The following DCHS2 variants were observed in gnomAD, a reference collection of about 807,000 sequenced individuals.
DCHS2 encodes the protein dachsous cadherin-related 2, also known as protocadherin-23.
In DCHS2, 142 loss-of-function variants were observed where a neutral mutation model predicts 182.4. The ratio of observed to expected loss-of-function variants is 0.78; its 90% CI spans 0.68 to 0.89. The LOEUF is 0.89. DCHS2 is among the 40% of genes least tolerant of loss of function. The probability of loss-of-function intolerance (pLI) is 0.00; values close to 1 mark genes in which losing one functional copy is unlikely to be tolerated. For missense variants in DCHS2, 4,319 were observed against 4,198.6 expected (o/e 1.03, Z -0.79); for synonymous variants, 1,740 against 1,663.3 (o/e 1.05, Z -1.12).
chr4:154,284,905 G>A (rs2111244593), intron 13 of DCHS2, among the ~76,000 whole-genome samples: 1 of 152,190 alleles, frequency 6.6e-6, no homozygotes, highest in South Asian at 2.1e-4. Context: ...GGTGGCCAAG[G>A]GAGTACTTTC....
At chr4:154,386,211 C>G (rs572384820) in intron 1 of DCHS2, among the ~76,000 whole-genome samples, 2 of 152,296 alleles carry the variant, frequency 1.3e-5, no homozygotes, top group Admixed American at 1.3e-4. Context: ...CCAACATAAT[C>G]CAAGTCTTTA....
At chr4:154,465,780 T>C (rs1204218764) in intron 1 of DCHS2, among the ~76,000 whole-genome samples, 1 of 152,138 alleles carries the variant, frequency 6.6e-6, no homozygotes, top group East Asian at 1.9e-4. Context: ...ATTGATGTCG[T>C]TGGGGGCTAT....
intron 12 of DCHS2, 172 bp from the exon 13 acceptor site, chr4:154,298,880 C>A (rs1253974564): frequency 2.1e-6 from 2 of 958,120 alleles, no homozygotes; most frequent in Non-Finnish European, 2.8e-6. Flanking sequence ...ATGATAAAGG[C>A]TCTGCCCTCA....
intron 1 of DCHS2, among the ~76,000 whole-genome samples, chr4:154,469,940 C>T (rs1406550479): frequency 1.3e-5 from 2 of 152,156 alleles, no homozygotes; most frequent in East Asian, 3.9e-4. Flanking sequence ...TTACAGTCTT[C>T]TATTTCATTA....
chr4:154,448,165 G>A (rs1476801487), intron 1 of DCHS2, among the ~76,000 whole-genome samples: 1 of 151,996 alleles, frequency 6.6e-6, no homozygotes, highest in African/African-American at 2.4e-5. Context: ...CACATCTCAG[G>A]TGCTCCTTTG....
Position 154,240,641 on chromosome 4 carries a change from G to GCAGCTCATATT in DCHS2, c.7244_7254dup (p.Leu2419AsnfsTer20). ...TGCACTGAATCAGAAATTTGGATGA[G>GCAGCTCATATT]CAGCTCATATTCAGTCATTTCTTCA... is the stretch of plus-strand genomic sequence containing the variant. On this transcript the variant is annotated frameshift_variant, in exon 18 of 20. Transcript: ENST00000357232. LOFTEE classifies it high-confidence loss of function. The GCAGCTCATATT allele has an allele frequency of 6.2e-7, 1 of 1,613,940 alleles. No individual in the cohort carries two copies. Among genetic ancestry groups the GCAGCTCATATT allele is most frequent in the Non-Finnish European group, 8.5e-7 (1 of 1,179,912 alleles).
At chr4:154,433,456 G>C (rs985254825) in intron 1 of DCHS2, among the ~76,000 whole-genome samples, 1 of 138,226 alleles carries the variant, frequency 7.2e-6, no homozygotes. Flanking sequence ...GTGCAGTGGC[G>C]TGATCTCCGC....
At chr4:154,295,300 C>T (rs1451880683) in intron 13 of DCHS2, among the ~76,000 whole-genome samples, 1 of 152,182 alleles carries the variant, frequency 6.6e-6, no homozygotes, top group African/African-American at 2.4e-5. Flanking sequence ...TGATTAAATT[C>T]CATACCATTT....
chr4:154,441,221 T>C (rs1164934514), intron 1 of DCHS2, among the ~76,000 whole-genome samples: 1 of 152,338 alleles, frequency 6.6e-6, no homozygotes, highest in East Asian at 1.9e-4. Context: ...ATTTTAAAAC[T>C]GTAGCCAAAA....
chr4:154,327,462 G>A (rs1239517732), intron 7 of DCHS2, among the ~76,000 whole-genome samples: 1 of 152,138 alleles, frequency 6.6e-6, no homozygotes, highest in Non-Finnish European at 1.5e-5. Flanking sequence ...CTATCTGTGG[G>A]AAAGGGCAAT....
In DCHS2 at chr4:154,435,445, A is replaced by C. The variant is rs547169837; in HGVS notation, c.2052+53859T>G. Among the ~76,000 whole-genome samples, 134 of 152,136 alleles carry C rather than the reference A, an allele frequency of 8.8e-4. 1 individual carries two copies. The highest frequency in any genetic ancestry group is 3.1e-3 in the African/African-American group (127 of 41,502). On this transcript the variant is annotated intron_variant, in intron 1 of 19. Transcript: ENST00000357232. ...CCCCAACTCTACTAAAATGCAAAAA[A>C]ATTAGCTGGGTATGGTGGTGGGTGC...
intron 2 of DCHS2, among the ~76,000 whole-genome samples, chr4:154,367,024 C>A (rs1423409092): frequency 6.6e-6 from 1 of 152,020 alleles, no homozygotes; most frequent in Non-Finnish European, 1.5e-5. Flanking sequence ...ACTTCAGTTA[C>A]CAGAAAGGAA....
At chr4:154,459,734 TTCTCTC>T (rs60259256) in intron 1 of DCHS2, among the ~76,000 whole-genome samples, 4,701 of 135,166 alleles carry the variant, frequency 0.035, 113 homozygotes, top group African/African-American at 0.064. Flanking sequence ...TATCTACACA[TTCTCTC>T]TCTCTCTCTC....
At chr4:154,380,010 T>C (rs1304517169) in intron 1 of DCHS2, among the ~76,000 whole-genome samples, 2 of 152,036 alleles carry the variant, frequency 1.3e-5, no homozygotes, top group South Asian at 2.1e-4. Flanking sequence ...ATTTAATGGG[T>C]TAATTCGAGA....
chr4:154,311,798 G>T (rs1024808943), intron 10 of DCHS2, among the ~76,000 whole-genome samples: 2 of 152,042 alleles, frequency 1.3e-5, no homozygotes, highest in African/African-American at 4.8e-5. Flanking sequence ...GATAAAAAGT[G>T]CTGAATCCAG....
In DCHS2 at chr4:154,320,715, T is replaced by A. The variant is rs1335103949; in HGVS notation, c.4684A>T (p.Ile1562Phe). 2 of 1,613,258 alleles carry A rather than the reference T, an allele frequency of 1.2e-6. No individual in the cohort carries two copies. Among genetic ancestry groups the A allele is most frequent in the South Asian group, 2.2e-5 (2 of 91,068 alleles). ...ACTAGTGTGCCAAATGAGGGGTGGA[T>A]GAGAAATGGATTCGTGCCAGGGTTG... ...SHNPGTNPFL[I>F]HPSFGTLVTV... The change falls in exon 9 of 20, where the codon ATC (isoleucine) becomes TTC (phenylalanine). Residue 1562 changes from isoleucine to phenylalanine, a missense_variant. By Grantham distance (21) the Ile-to-Phe change is conservative. Coordinates refer to ENST00000357232, the MANE Select transcript of DCHS2 (RefSeq NM_001358235.2).
intron 2 of DCHS2, among the ~76,000 whole-genome samples, chr4:154,367,093 C>G (rs6838093): frequency 0.019 from 2,830 of 152,250 alleles, 81 homozygotes; most frequent in African/African-American, 0.062. Flanking sequence ...ACGTGGTGTA[C>G]CTCTCAGGCC....
At chr4:154,305,337 G>A (rs1449197942) in intron 10 of DCHS2, 106 bp from the exon 11 acceptor site, 5 of 1,329,976 alleles carry the variant, frequency 3.8e-6, no homozygotes, top group Non-Finnish European at 4.9e-6. Flanking sequence ...GATGAAAATG[G>A]CAAGATTCTC....
At chr4:154,454,793 C>T (rs1319004257) in intron 1 of DCHS2, among the ~76,000 whole-genome samples, 2 of 152,192 alleles carry the variant, frequency 1.3e-5, no homozygotes, top group African/African-American at 2.4e-5. Context: ...AGTACAGTTG[C>T]TTTTCAGAAA....
Sources: gnomAD v4.1 joint callset for allele counts (sites outside exome capture counted in the v4.1 genomes callset) on GRCh38, gnomAD v4.1.1 for gene constraint, MANE v1.5 for transcripts, NCBI Gene and HGNC (gene_info 2026-07-23, HGNC 2026-07-21) for gene names.